Variants in FLACC1 observed in about 807,000 individuals in gnomAD.
FLACC1 encodes flagellum-associated coiled-coil domain-containing protein 1.
Under a neutral mutation model 62.8 loss-of-function variants are expected in FLACC1, and 66 were observed. The observed-to-expected ratio is 1.05, with a 90% CI of 0.86 to 1.29. The LOEUF is 1.29. Among genes scored for constraint, FLACC1 ranks in the 50% most tolerant of loss-of-function variants. The pLI is 0.00. For synonymous variants in FLACC1, 156 were observed against 161.0 expected, an observed-to-expected ratio of 0.97 and a Z score of 0.24; for missense variants, 452 against 489.1, an observed-to-expected ratio of 0.92 and a Z score of 0.71.
intron 3 of FLACC1, 149 bp downstream of exon 3, chr2:201,350,562 T>C (rs1226789989): frequency 2.1e-5 from 14 of 659,622 alleles, no homozygotes; most frequent in Non-Finnish European, 2.1e-5. Context: ...ACACCTGTAT[T>C]CCCAGCTACT....
intron 9 of FLACC1, among the ~76,000 whole-genome samples, chr2:201,323,606 C>T (rs1950444571): frequency 6.6e-6 from 1 of 151,842 alleles, no homozygotes; most frequent in Admixed American, 6.6e-5. Flanking sequence ...GGCCACATGG[C>T]AAAACCCTGT....
At chr2:201,351,230 G>C in intron 2 of FLACC1, 62 bp downstream of exon 2, 10 of 1,373,112 alleles carry the variant, frequency 7.3e-6, no homozygotes, top group Non-Finnish European at 1.0e-5. Flanking sequence ...TCTTGTGAGA[G>C]AAATGAGGCT....
intron 14 of FLACC1, among the ~76,000 whole-genome samples, chr2:201,289,197 A>T (rs6743068): frequency 6.6e-6 from 1 of 151,888 alleles, no homozygotes; most frequent in African/African-American, 2.4e-5. Context: ...CAGAAACTGG[A>T]AGACAAATGT....
chr2:201,295,321 C>T (rs200939978), intron 12 of FLACC1, among the ~76,000 whole-genome samples: 1 of 152,018 alleles, frequency 6.6e-6, no homozygotes, highest in Non-Finnish European at 1.5e-5. Flanking sequence ...GAGATATAGA[C>T]CAATGGAACA....
At chr2:201,350,574 G>C (rs1329595952) in intron 3 of FLACC1, 137 bp downstream of exon 3, 1 of 706,012 alleles carries the variant, frequency 1.4e-6, no homozygotes, top group East Asian at 2.8e-5. Flanking sequence ...CCAGCTACTC[G>C]AGAGGCTGAG....
Position 201,288,536 on chromosome 2 carries a change from G to C in FLACC1, c.*119C>G. ...ACATTTTCAGACATTCAGAGAGTCA[G>C]AGCAACCCAAGAACTAAACTCATTA... On this transcript the variant is annotated 3_prime_UTR_variant, in exon 15 of 15. Transcript: ENST00000392257. 1.6e-6 allele frequency: 2 copies of C among 1,284,446 alleles called. No individual in the cohort carries two copies. The highest frequency in any genetic ancestry group is 2.1e-6 in the Non-Finnish European group (2 of 939,720). The allele number at this position is 1,284,446 out of a possible 1,614,324, so 79.6% of individuals were successfully genotyped here.
intron 4 of FLACC1, 52 bp downstream of exon 4, chr2:201,348,202 A>G (rs2125619906): frequency 6.4e-7 from 1 of 1,564,182 alleles, no homozygotes; most frequent in Non-Finnish European, 8.8e-7. Flanking sequence ...GCTTGCACAT[A>G]GTAGGCACTC....
intron 7 of FLACC1, among the ~76,000 whole-genome samples, chr2:201,333,351 T>G (rs1406391895): frequency 6.6e-6 from 1 of 152,212 alleles, no homozygotes; most frequent in African/African-American, 2.4e-5. Context: ...TTGTATGTCT[T>G]CTTTTGAGAA....
chr2:201,300,244 C>G (rs1447198384), intron 11 of FLACC1, among the ~76,000 whole-genome samples: 2 of 152,182 alleles, frequency 1.3e-5, no homozygotes, highest in African/African-American at 2.4e-5. Flanking sequence ...GCTTTTCCAA[C>G]AGTCTTAGCA....
intron 5 of FLACC1, 22 bp from the exon 6 acceptor site, chr2:201,344,285 T>C (rs1468766670): frequency 5.1e-6 from 8 of 1,577,160 alleles, no homozygotes; most frequent in African/African-American, 1.4e-5. Flanking sequence ...GTAATTCTTC[T>C]ATCATCCACA....
At chr2:201,305,183 A>G (rs1164789881) in intron 11 of FLACC1, among the ~76,000 whole-genome samples, 4 of 152,252 alleles carry the variant, frequency 2.6e-5, no homozygotes, top group African/African-American at 9.6e-5. Flanking sequence ...CAATCTACCC[A>G]TCTGACAAAG....
At chr2:201,339,136 T>C (rs1317683514) in intron 7 of FLACC1, among the ~76,000 whole-genome samples, 4 of 152,204 alleles carry the variant, frequency 2.6e-5, no homozygotes, top group Non-Finnish European at 4.4e-5. Context: ...TCCTGATTCA[T>C]CTTGTTAGAT....
intron 4 of FLACC1, 86 bp downstream of exon 4, chr2:201,348,168 A>G: frequency 7.7e-7 from 1 of 1,306,874 alleles, no homozygotes; most frequent in Non-Finnish European, 1.1e-6. Flanking sequence ...CGACAAGGTA[A>G]GTATAAAAAT....
Position 201,288,752 on chromosome 2 carries a change from A to G in FLACC1, c.1172T>C (p.Ile391Thr). The change falls in exon 15 of 15, where the codon ATT becomes ACT. Residue 391 changes from isoleucine (I) to threonine (T), a missense_variant. Physicochemically the swap from Ile to Thr is moderately conservative, Grantham distance 89. Transcript: ENST00000392257. ...CAATCTCCCAGAACATCCTTCACAA[A>G]TTTCTTCATTCTTAGAAATTATCTT... ...KQKIISKNEEICEGCSGRLAS... is the reference protein window; with the variant it reads ...KQKIISKNEETCEGCSGRLAS... 2 of 1,613,922 alleles carry G rather than the reference A, an allele frequency of 1.2e-6. No homozygotes were observed. Among genetic ancestry groups the G allele is most frequent in the Non-Finnish European group, 1.7e-6 (2 of 1,180,002 alleles).
At chr2:201,361,423 T>C (rs2125633162), upstream of FLACC1, among the ~76,000 whole-genome samples, 1 of 152,338 alleles carries the variant, frequency 6.6e-6, no homozygotes, top group South Asian at 2.1e-4. Context: ...TAATGAAATA[T>C]ATTTTCCAGT....
Position 201,309,164 on chromosome 2 carries a change from G to C in FLACC1, c.762C>G (p.Ile254Met), listed in dbSNP as rs1044741789. 6.2e-7 allele frequency: 1 copy of C among 1,613,472 alleles called. No homozygotes were observed. The highest frequency in any genetic ancestry group is 1.3e-5 in the African/African-American group (1 of 75,010). ...KKDEKFEREN[I>M]LLQQKKKMTK... ...TTCTGTACTCACTTTGCTGTAGCAG[G>C]ATATTTTCTCGCTCGAACTTCTCAT... The change falls in exon 10 of 15, where the codon ATC (isoleucine) becomes ATG (methionine). Residue 254 changes from isoleucine (I) to methionine (M), a missense_variant. Ile to Met is a conservative substitution (Grantham distance 10). Transcript: ENST00000392257.
At position 201,348,757 on chromosome 2, in the gene FLACC1, AG is replaced by A. The variant is rs1162786042; in HGVS notation, c.186-456del. On this transcript the variant is annotated intron_variant, in intron 3 of 14. Coordinates refer to ENST00000392257, the MANE Select transcript of FLACC1 (RefSeq NM_001127391.3). The stretch of plus-strand genomic sequence containing the variant: ...CCAGAAAATGAAATGTATCCCATTA[AG>A]ATACAAATGTTGAAGTTAAACTTGT... Among the ~76,000 whole-genome samples the A allele has an allele frequency of 1.1e-4, 17 of 152,216 alleles. No homozygotes were observed. In the East Asian group the frequency reaches 1.2e-3, roughly 10 times the overall value.
intron 9 of FLACC1, among the ~76,000 whole-genome samples, chr2:201,315,761 A>C (rs1363183553): frequency 6.6e-6 from 1 of 152,282 alleles, no homozygotes; most frequent in African/African-American, 2.4e-5. Context: ...ACATTTATTC[A>C]ACAGCATATG....
Position 201,330,777 on chromosome 2 carries a change from G to T in FLACC1, c.581C>A (p.Ala194Glu). The T allele has an allele frequency of 1.2e-6, 2 of 1,613,886 alleles. No individual in the cohort carries two copies. Among genetic ancestry groups the T allele is most frequent in the Non-Finnish European group, 1.7e-6 (2 of 1,179,992 alleles). ...ELSELENNYK[A>E]ALKAEKLAAQ... is the part of the protein sequence containing the mutation. ...AGCCAACTTCTCTGCCTTCAAGGCT[G>T]CTTTGTAGTTGTTCTCCAACTCACT... Residue 194 changes from alanine (A) to glutamate (E), a missense_variant, in exon 8 of 15, where the codon GCA (alanine) becomes GAA (glutamate). Transcript: ENST00000392257.
Sources: allele counts gnomAD v4.1 joint callset (sites outside exome capture counted in the v4.1 genomes callset), GRCh38; gene constraint gnomAD v4.1.1; transcripts MANE v1.5; gene names NCBI Gene and HGNC (gene_info 2026-07-23, HGNC 2026-07-21).